ANKFY1: variants seen among roughly 807,000 people sequenced by gnomAD.
ANKFY1 encodes ankyrin repeat and FYVE domain containing 1.
ANKFY1 carries 47 observed loss-of-function variants against 128.3 expected under a neutral mutation model. The ratio of observed to expected loss-of-function variants is 0.37; its 90% CI spans 0.29 to 0.47. The LOEUF (loss-of-function observed/expected upper bound fraction) is 0.47, where lower values mean the gene tolerates loss of function less well. ANKFY1 is among the 20% of genes least tolerant of loss of function. The probability of loss-of-function intolerance (pLI) is 1.00; values close to 1 mark genes in which losing one functional copy is unlikely to be tolerated. For missense variants in ANKFY1, 1,222 were observed against 1,510.6 expected (o/e 0.81, Z 3.17); for synonymous variants, 553 against 601.6 (o/e 0.92, Z 1.18).
intron 4 of ANKFY1, among the ~76,000 whole-genome samples, chr17:4,213,864 C>T (rs868131884): frequency 6.6e-6 from 1 of 152,170 alleles, no homozygotes; most frequent in Non-Finnish European, 1.5e-5. Flanking sequence ...TGAGCCATCA[C>T]ACCCAGTCAA....
chr17:4,183,789 C>T, intron 13 of ANKFY1, 23 bp downstream of exon 13: 1 of 1,590,808 alleles, frequency 6.3e-7, no homozygotes, highest in Non-Finnish European at 8.6e-7. Flanking sequence ...CTGCAGACAT[C>T]AGCGGCCCCG....
intron 1 of ANKFY1, among the ~76,000 whole-genome samples, chr17:4,250,536 A>G (rs1198079716): frequency 6.6e-6 from 1 of 152,214 alleles, no homozygotes; most frequent in Non-Finnish European, 1.5e-5. Context: ...GTTATATACT[A>G]CGCTCATGGA....
chr17:4,198,988 GA>G (rs1454291890), intron 7 of ANKFY1, among the ~76,000 whole-genome samples: 2 of 152,088 alleles, frequency 1.3e-5, no homozygotes, highest in Non-Finnish European at 2.9e-5. Flanking sequence ...AACATGGGGA[GA>G]CCCCATCTCT....
At chr17:4,177,905 A>G (rs552707835) in intron 18 of ANKFY1, 1 of 152,558 alleles carries the variant, frequency 6.6e-6, no homozygotes, top group South Asian at 2.1e-4. Context: ...CGTCTCCTGT[A>G]GTTCCCAGAG....
At chr17:4,218,409 T>G (rs1370270258) in intron 3 of ANKFY1, among the ~76,000 whole-genome samples, 1 of 152,210 alleles carries the variant, frequency 6.6e-6, no homozygotes, top group East Asian at 1.9e-4. Context: ...ACATAAGATA[T>G]TTACTACATA....
At chr17:4,173,534 TG>T in intron 20 of ANKFY1, 90 bp from the exon 21 acceptor site, 2 of 1,248,208 alleles carry the variant, frequency 1.6e-6, no homozygotes, top group Non-Finnish European at 2.3e-6. Context: ...TCTCTGTAAA[TG>T]GGACCCGGCC....
intron 2 of ANKFY1, among the ~76,000 whole-genome samples, chr17:4,241,961 C>T (rs1967254873): frequency 6.6e-6 from 1 of 151,664 alleles, no homozygotes; most frequent in African/African-American, 2.4e-5. Flanking sequence ...CGGTGGTGGG[C>T]ACCTGTAGTC....
intron 11 of ANKFY1, chr17:4,188,491 G>A (rs2059651419): frequency 6.6e-6 from 1 of 152,076 alleles, no homozygotes; most frequent in South Asian, 2.1e-4. Flanking sequence ...CTCCAAAATA[G>A]AGAATTGATT....
intron 2 of ANKFY1, among the ~76,000 whole-genome samples, chr17:4,238,197 T>C (rs1967008832): frequency 6.7e-6 from 1 of 150,288 alleles, no homozygotes; most frequent in Non-Finnish European, 1.5e-5. Context: ...TTCTTCCACA[T>C]TTCTCAACTT....
At chr17:4,218,863 C>T (rs894363708) in intron 3 of ANKFY1, among the ~76,000 whole-genome samples, 2 of 151,880 alleles carry the variant, frequency 1.3e-5, no homozygotes, top group African/African-American at 4.8e-5. Context: ...GGTGGCAGAG[C>T]AAGACCCTGT....
At chr17:4,231,162 T>A (rs1244492855) in intron 3 of ANKFY1, among the ~76,000 whole-genome samples, 1 of 152,226 alleles carries the variant, frequency 6.6e-6, no homozygotes, top group Non-Finnish European at 1.5e-5. Context: ...GGTCTGATGT[T>A]TTCTCATGAG....
In ANKFY1 at chr17:4,183,924, A is replaced by G; in HGVS notation, c.1700-14T>C. 3 of 1,591,392 alleles carry G rather than the reference A, an allele frequency of 1.9e-6. No individual in the cohort carries two copies. Among genetic ancestry groups the G allele is most frequent in the Non-Finnish European group, 1.7e-6 (2 of 1,159,364 alleles). On this transcript the variant is annotated splice_polypyrimidine_tract_variant and intron_variant, in intron 12 of 24. Transcript: ENST00000341657. ...GAAGAGCATTGGCTAAATGTTTGAA[A>G]AAGTAAAAGAACACTTGATGTCACC...
chr17:4,242,227 G>A (rs2143385133), intron 2 of ANKFY1, 29 bp downstream of exon 2: 1 of 1,477,400 alleles, frequency 6.8e-7, no homozygotes, highest in Non-Finnish European at 9.0e-7. Flanking sequence ...TAAAGCCAAA[G>A]GGCCTTCTGT....
At chr17:4,243,514 C>G (rs1598139186) in intron 1 of ANKFY1, among the ~76,000 whole-genome samples, 1 of 152,162 alleles carries the variant, frequency 6.6e-6, no homozygotes, top group African/African-American at 2.4e-5. Context: ...ATCTTCATGA[C>G]AAGCCTATGA....
chr17:4,165,813 C>A lies in ANKFY1; in HGVS notation c.*1966G>T, dbSNP rs969216706. On this transcript the variant is annotated 3_prime_UTR_variant, in exon 25 of 25. Transcript: ENST00000341657. ...AGAACAATCGGCCTCACCCTTGACT[C>A]ATCTCCCACATTCCTTTTAAAGAAC... 2.0e-5 allele frequency: 3 copies of A among 152,212 alleles called. No homozygotes were observed. Among genetic ancestry groups the A allele is most frequent in the Admixed American group, 1.3e-4 (2 of 15,288 alleles). 9.4% of individuals were successfully genotyped at this position (152,212 alleles called of 1,614,324 possible). A position where few individuals can be genotyped will look rare whatever the true frequency, so the allele number is the denominator to read the frequency against.
At chr17:4,222,262 C>T in intron 3 of ANKFY1, 1 of 541,366 alleles carries the variant, frequency 1.8e-6, no homozygotes, top group Non-Finnish European at 3.3e-6. Context: ...GGCCGCGGGG[C>T]CCAGCGTGAG....
At chr17:4,224,074 T>C (rs2060376577) in intron 3 of ANKFY1, among the ~76,000 whole-genome samples, 1 of 152,232 alleles carries the variant, frequency 6.6e-6, no homozygotes. Context: ...CATAGTTACC[T>C]TGGACTAGAG....
intron 1 of ANKFY1, among the ~76,000 whole-genome samples, chr17:4,262,728 C>A (rs924576173): frequency 1.3e-5 from 2 of 151,952 alleles, no homozygotes; most frequent in South Asian, 2.1e-4. Flanking sequence ...GCCGGTGGGA[C>A]AGAGCGAGAC....
chr17:4,219,543 T>G (rs1462705562), intron 3 of ANKFY1, among the ~76,000 whole-genome samples: 1 of 152,168 alleles, frequency 6.6e-6, no homozygotes, highest in Non-Finnish European at 1.5e-5. Flanking sequence ...GAACACCTTA[T>G]TAACTTCATA....
Sources: allele counts gnomAD v4.1 joint callset (sites outside exome capture counted in the v4.1 genomes callset), GRCh38; gene constraint gnomAD v4.1.1; transcripts MANE v1.5; gene names NCBI Gene and HGNC (gene_info 2026-07-23, HGNC 2026-07-21).